SSR1: variants seen among roughly 807,000 people sequenced by gnomAD.
SSR1 encodes the protein signal sequence receptor subunit 1, also known as translocon-associated protein subunit alpha.
A neutral mutation model predicts 36.1 loss-of-function variants in SSR1; 13 were observed. That is an observed-to-expected ratio of 0.36 (90% CI 0.23 to 0.57). The LOEUF is 0.57. Ranked by LOEUF, SSR1 falls within the 20% of genes least tolerant of loss-of-function variation. The pLI, the probability that SSR1 is intolerant of heterozygous loss-of-function variation, is 0.81. For synonymous variants in SSR1, 113 were observed against 118.9 expected, an observed-to-expected ratio of 0.95 and a Z score of 0.32; for missense variants, 291 against 338.5, an observed-to-expected ratio of 0.86 and a Z score of 1.10.
chr6:7,312,344 A>C (rs1164953379), intron 1 of SSR1, among the ~76,000 whole-genome samples: 1 of 152,220 alleles, frequency 6.6e-6, no homozygotes, highest in African/African-American at 2.4e-5. Flanking sequence ...AAATTGTTCC[A>C]TGGAAAGACA....
chr6:7,312,008 T>C (rs567721111), intron 1 of SSR1, among the ~76,000 whole-genome samples: 3 of 152,352 alleles, frequency 2.0e-5, no homozygotes, highest in Admixed American at 6.5e-5. Context: ...CTTGGTTTTC[T>C]AGCCATTAAA....
chr6:7,300,522 T>C (rs1757910342), intron 4 of SSR1, among the ~76,000 whole-genome samples: 1 of 152,240 alleles, frequency 6.6e-6, no homozygotes, highest in Admixed American at 6.5e-5. Context: ...TTCTATTTTA[T>C]CTATGAGTAC....
intron 4 of SSR1, among the ~76,000 whole-genome samples, chr6:7,299,881 A>G (rs2113286907): frequency 6.6e-6 from 1 of 152,310 alleles, no homozygotes; most frequent in East Asian, 1.9e-4. Context: ...TACATTGTCA[A>G]AACTGTCACT....
intron 1 of SSR1, among the ~76,000 whole-genome samples, chr6:7,312,372 G>A (rs1758215898): frequency 6.6e-6 from 1 of 152,186 alleles, no homozygotes; most frequent in African/African-American, 2.4e-5. Context: ...GAAGAAGGCA[G>A]AAGGGAGACA....
rs1358775369 is a variant in SSR1 at position 7,288,745 on chromosome 6, AAG to A, written c.*1117_*1118del. ...CAATCTAGGGCAAGAGTAACTCTAT[AAG>A]AGGATTTTATGAAGTACAATTTAAT... On this transcript the variant is annotated 3_prime_UTR_variant, in exon 8 of 8. Transcript: ENST00000244763. 1 of 152,592 alleles carries A rather than the reference AAG, an allele frequency of 6.6e-6. No individual in the cohort carries two copies. The highest frequency in any genetic ancestry group is 2.4e-5 in the African/African-American group (1 of 41,452). 9.5% of individuals were successfully genotyped at this position (152,592 alleles called of 1,614,324 possible). A position where few individuals can be genotyped will look rare whatever the true frequency, so the allele number is the denominator to read the frequency against.
chr6:7,294,976 G>A, intron 7 of SSR1: 1 of 926,292 alleles, frequency 1.1e-6, no homozygotes. Flanking sequence ...CTAATAAAAT[G>A]TAGTAAGAAA....
rs1022892602 is a variant in SSR1 at position 7,288,222 on chromosome 6, G to A, written c.*1642C>T. On this transcript the variant is annotated 3_prime_UTR_variant, in exon 8 of 8. Transcript: ENST00000244763. Reference sequence around the variant, plus strand: ...GAATATATTCCTTGGGAATGTGAAGGGTCTCCTATATTACATTAAACAAAA... The same window carrying A: ...GAATATATTCCTTGGGAATGTGAAGAGTCTCCTATATTACATTAAACAAAA... 1 of 152,044 alleles carries A rather than the reference G, an allele frequency of 6.6e-6. No individual in the cohort carries two copies. Among genetic ancestry groups the A allele is most frequent in the Middle Eastern group, 3.2e-3 (1 of 316 alleles). 9.4% of individuals were successfully genotyped at this position (152,044 alleles called of 1,614,324 possible).
At position 7,306,732 on chromosome 6, in the gene SSR1, T is replaced by C. The variant is rs370649814; in HGVS notation, c.193-3095A>G. 1.3e-3 allele frequency among the ~76,000 whole-genome samples: 200 copies of C among 151,444 alleles called. 2 individuals carry two copies. Among genetic ancestry groups the C allele is most frequent in the South Asian group, 0.01 (49 of 4,784 alleles). On this transcript the variant is annotated intron_variant, in intron 2 of 7. Transcript: ENST00000244763. ...GAGATCGAGACCATCCTGGCTAACATGGTGAAACCCCGTCTCTACTAAAAA... is the reference window on the plus strand; with the variant it reads ...GAGATCGAGACCATCCTGGCTAACACGGTGAAACCCCGTCTCTACTAAAAA...
In SSR1 at chr6:7,306,832, C is replaced by G. The variant is rs372339179; in HGVS notation, c.192+3085G>C. On this transcript the variant is annotated intron_variant, in intron 2 of 7. Transcript: ENST00000244763. ...TCGGGAGACTGAGGCAGGAGACTGG[C>G]GTGAACCCGGGAGGTGGAGCTTGCA... 1.3e-4 allele frequency among the ~76,000 whole-genome samples: 19 copies of G among 144,888 alleles called. No homozygotes were observed. In the East Asian group the frequency reaches 3.8e-3, roughly 29 times the overall value.
At chr6:7,311,216 C>CA (rs1335822637) in intron 1 of SSR1, among the ~76,000 whole-genome samples, 4 of 151,362 alleles carry the variant, frequency 2.6e-5, no homozygotes, top group East Asian at 1.9e-4. Flanking sequence ...AGGTATAATG[C>CA]AAAAAAAAGG....
At chr6:7,289,968 T>C (rs1406633015) in intron 7 of SSR1, 37 bp from the exon 8 acceptor site, 4 of 1,503,826 alleles carry the variant, frequency 2.7e-6, no homozygotes, top group South Asian at 1.4e-5. Flanking sequence ...TTGCCTATTA[T>C]AAGTATATTG....
Position 7,287,886 on chromosome 6 carries a change from T to C in SSR1, c.*1978A>G, listed in dbSNP as rs115244316. 1 of 152,494 alleles carries C rather than the reference T, an allele frequency of 6.6e-6. No individual in the cohort carries two copies. The highest frequency in any genetic ancestry group is 2.4e-5 in the African/African-American group (1 of 41,476). The allele number at this position is 152,494 out of a possible 1,614,324, so 9.4% of individuals were successfully genotyped here. A position where few individuals can be genotyped will look rare whatever the true frequency, so the allele number is the denominator to read the frequency against. On this transcript the variant is annotated 3_prime_UTR_variant, in exon 8 of 8. Coordinates refer to ENST00000244763, the MANE Select transcript of SSR1 (RefSeq NM_003144.5). ...CTGATGCTAGAGCAGACCCCTGGCA[T>C]CTGAGGATTTAAGAGTTCAACTGTT... is the stretch of plus-strand genomic sequence containing the variant.
intron 6 of SSR1, among the ~76,000 whole-genome samples, chr6:7,297,512 G>A (rs1040422436): frequency 1.3e-5 from 2 of 152,018 alleles, no homozygotes; most frequent in African/African-American, 4.8e-5. Context: ...GATTGCTCGA[G>A]TTCAGGAGTT....
chr6:7,310,964 G>A (rs1209383416), intron 1 of SSR1, among the ~76,000 whole-genome samples: 1 of 152,118 alleles, frequency 6.6e-6, no homozygotes, highest in Non-Finnish European at 1.5e-5. Context: ...GTTCTATGTA[G>A]GAAACACTGT....
Position 7,301,404 on chromosome 6 carries a change from C to T in SSR1, c.449G>A (p.Arg150Lys). 1.2e-6 allele frequency: 2 copies of T among 1,614,180 alleles called. No homozygotes were observed. Among genetic ancestry groups the T allele is most frequent in the African/African-American group, 1.3e-5 (1 of 75,052 alleles). The change falls in exon 4 of 8, where the codon AGA (arginine) becomes AAA (lysine). Residue 150 changes from arginine (R) to lysine (K), a missense_variant. Coordinates refer to ENST00000244763, the MANE Select transcript of SSR1 (RefSeq NM_003144.5). The stretch of plus-strand genomic sequence containing the variant: ...GAAAGAGTACTCAAAAGTTGCCTGT[C>T]TCTGGGGTGGCACTACAGTGTTCAG... Reference protein sequence around the residue: ...LPLNTVVPPQRQATFEYSFIP... With the variant: ...LPLNTVVPPQKQATFEYSFIP...
chr6:7,299,283 C>T (rs1223796858), intron 4 of SSR1, among the ~76,000 whole-genome samples: 1 of 152,208 alleles, frequency 6.6e-6, no homozygotes, highest in Non-Finnish European at 1.5e-5. Context: ...ATTCTTACGC[C>T]AACAAGCTTT....
At position 7,308,144 on chromosome 6, in the gene SSR1, G is replaced by A. The variant is rs1758110945; in HGVS notation, c.192+1773C>T. On this transcript the variant is annotated intron_variant, in intron 2 of 7. Coordinates refer to ENST00000244763, the MANE Select transcript of SSR1 (RefSeq NM_003144.5). Reference sequence around the variant, plus strand: ...GTCTTAACATAAACCCTAAAGGTATGTGTATACATACATATGAAAGGCTTG... The same window carrying A: ...GTCTTAACATAAACCCTAAAGGTATATGTATACATACATATGAAAGGCTTG... Among the ~76,000 whole-genome samples, 3 of 152,188 alleles carry A rather than the reference G, an allele frequency of 2.0e-5. No homozygotes were observed. In the South Asian group the frequency reaches 6.2e-4, roughly 31 times the overall value.
intron 6 of SSR1, 59 bp downstream of exon 6, chr6:7,297,864 T>C: frequency 7.3e-7 from 1 of 1,363,128 alleles, no homozygotes; most frequent in Non-Finnish European, 1.0e-6. Context: ...CTAGACTGCT[T>C]AACTTAGTAC....
Position 7,303,643 on chromosome 6 carries a change from A to C in SSR1, c.193-6T>G. ...TCTTCCTCTTTATCTTCTACCTAAG[A>C]AAAAGAACAATTAAGAGGAGATTAC... is the stretch of plus-strand genomic sequence containing the variant. On this transcript the variant is annotated splice_region_variant and splice_polypyrimidine_tract_variant and intron_variant, in intron 2 of 7. Coordinates refer to ENST00000244763, the MANE Select transcript of SSR1 (RefSeq NM_003144.5). The C allele has an allele frequency of 6.2e-7, 1 of 1,600,770 alleles. No individual in the cohort carries two copies. The highest frequency in any genetic ancestry group is 8.5e-7 in the Non-Finnish European group (1 of 1,171,314).
Sources: allele counts gnomAD v4.1 joint callset (sites outside exome capture counted in the v4.1 genomes callset), GRCh38; gene constraint gnomAD v4.1.1; transcripts MANE v1.5; gene names NCBI Gene and HGNC (gene_info 2026-07-23, HGNC 2026-07-21).